The following ZNF266 variants were observed in gnomAD, a reference collection of about 807,000 sequenced individuals.
The protein encoded by ZNF266 is zinc finger protein 1.
A neutral mutation model predicts 16.4 loss-of-function variants in ZNF266; 16 were observed. The observed-to-expected ratio is 0.98, with a 90% CI of 0.66 to 1.48. ZNF266 has a LOEUF of 1.48. Ranked by LOEUF, ZNF266 falls within the 40% of genes most tolerant of loss-of-function variation. The pLI, the probability that ZNF266 is intolerant of heterozygous loss-of-function variation, is 0.00. For synonymous variants in ZNF266, 262 were observed against 237.9 expected, an observed-to-expected ratio of 1.10 and a Z score of -0.93; for missense variants, 738 against 689.1, an observed-to-expected ratio of 1.07 and a Z score of -0.79.
At chr19:9,418,116 G>C (rs2069336820) in intron 8 of ZNF266, among the ~76,000 whole-genome samples, 1 of 152,184 alleles carries the variant, frequency 6.6e-6, no homozygotes, top group Non-Finnish European at 1.5e-5. Context: ...CACTTACAAA[G>C]CACTAAGACT....
At chr19:9,419,464 C>T (rs2069520434) in intron 6 of ZNF266, 165 bp from the exon 7 acceptor site, 1 of 152,322 alleles carries the variant, frequency 6.6e-6, no homozygotes, top group Admixed American at 6.6e-5. Context: ...GCACTACTGC[C>T]TCACGTAAAG....
chr19:9,417,838 A>G lies in ZNF266; in HGVS notation c.306T>C (p.Gly102=). The part of the protein sequence containing the change: ...EQEESRTVQR[G]DFQASEWKVQ... ...TTTGTGAACACTCACCTTGGAAATC[A>G]CCTCTCTGCACTGTCCTAGACTCTT... Residue 102 remains glycine, a synonymous_variant, in exon 9 of 11, where the codon GGT becomes GGC. Transcript: ENST00000592904. 1 of 1,613,646 alleles carries G rather than the reference A, an allele frequency of 6.2e-7. No homozygotes were observed. The highest frequency in any genetic ancestry group is 8.5e-7 in the Non-Finnish European group (1 of 1,179,758).
At chr19:9,416,432 C>T (rs548481888) in intron 9 of ZNF266, among the ~76,000 whole-genome samples, 7 of 149,818 alleles carry the variant, frequency 4.7e-5, no homozygotes, top group African/African-American at 7.4e-5. Flanking sequence ...AGAACAATCT[C>T]GGCTCACTGC....
chr19:9,421,479 C>T (rs549009277), intron 5 of ZNF266, among the ~76,000 whole-genome samples: 26 of 152,280 alleles, frequency 1.7e-4, no homozygotes, highest in African/African-American at 4.6e-4. Flanking sequence ...CATACACTTG[C>T]ATAATCAAAA....
intron 5 of ZNF266, among the ~76,000 whole-genome samples, chr19:9,425,403 G>A (rs1006335900): frequency 6.6e-6 from 1 of 152,050 alleles, no homozygotes; most frequent in East Asian, 1.9e-4. Flanking sequence ...CATCTTGCCC[G>A]CCCAACACAC....
rs951749513 is a variant in ZNF266, at chr19:9,417,847, C to T, written c.297G>A (p.Val99=). The T allele has an allele frequency of 1.9e-6, 3 of 1,613,812 alleles. No homozygotes were observed. The highest frequency in any genetic ancestry group is 1.3e-5 in the African/African-American group (1 of 74,908). The change falls in exon 9 of 11, where the codon GTG becomes GTA. Residue 99 remains valine, a synonymous_variant. Coordinates refer to ENST00000592904, the MANE Select transcript of ZNF266 (RefSeq NM_001370374.1). ...ACTCACCTTGGAAATCACCTCTCTG[C>T]ACTGTCCTAGACTCTTCTTGTTCCA... ...SWLEQEESRT[V]QRGDFQASEW...
In ZNF266 at chr19:9,413,763, C is replaced by A. The variant is rs202197333; in HGVS notation, c.1363G>T (p.Ala455Ser). The change falls in exon 11 of 11, where the codon GCC becomes TCC. Residue 455 changes from alanine to serine, a missense_variant. Ala to Ser is a moderately conservative substitution (Grantham distance 99). Coordinates refer to ENST00000592904, the MANE Select transcript of ZNF266 (RefSeq NM_001370374.1). ...RPYECKECGK[A>S]FARSSRLSEH... ...CTAAGGCGAGAGGATCTGGCAAAGG[C>A]CTTTCCACATTCCTTACATTCATAG... is the stretch of plus-strand genomic sequence containing the variant. The A allele has an allele frequency of 9.3e-6, 15 of 1,614,008 alleles. No individual in the cohort carries two copies. Among genetic ancestry groups the A allele is most frequent in the Non-Finnish European group, 1.2e-5 (14 of 1,180,036 alleles).
chr19:9,426,336 G>GA (rs1213659007), intron 5 of ZNF266, among the ~76,000 whole-genome samples: 1 of 151,914 alleles, frequency 6.6e-6, no homozygotes, highest in Non-Finnish European at 1.5e-5. Context: ...TTACTTAGAA[G>GA]AAAAAAATAG....
chr19:9,418,883 T>C, intron 7 of ZNF266: 1 of 310,546 alleles, frequency 3.2e-6, no homozygotes, highest in Middle Eastern at 9.8e-4. Flanking sequence ...CTTGAGCAGA[T>C]GCTAGATAAA....
At chr19:9,418,059 G>T (rs923128360) in intron 8 of ZNF266, 151 bp from the exon 9 acceptor site, 3 of 798,992 alleles carry the variant, frequency 3.8e-6, no homozygotes, top group Admixed American at 2.3e-5. Context: ...GCCCCCAAAA[G>T]ATTGGTGATC....
Position 9,414,622 on chromosome 19 carries a change from A to G in ZNF266, c.504T>C (p.Asn168=), listed in dbSNP as rs1648009525. ...SCLKTHVRTQ[N]SENTFECYLY... The stretch of plus-strand genomic sequence containing the variant: ...GATAACACTCAAATGTGTTCTCACT[A>G]TTTTGAGTTCTCACATGTGTCTTAA... Residue 168 remains asparagine (N), a synonymous_variant, in exon 11 of 11, where the codon AAT becomes AAC. Coordinates refer to ENST00000592904, the MANE Select transcript of ZNF266 (RefSeq NM_001370374.1). 1.9e-6 allele frequency: 3 copies of G among 1,610,508 alleles called. No homozygotes were observed. Among genetic ancestry groups the G allele is most frequent in the African/African-American group, 1.3e-5 (1 of 74,990 alleles).
At chr19:9,428,064 A>C (rs2071028417) in intron 5 of ZNF266, among the ~76,000 whole-genome samples, 1 of 152,126 alleles carries the variant, frequency 6.6e-6, no homozygotes, top group Non-Finnish European at 1.5e-5. Flanking sequence ...GAGTCTCTAG[A>C]CCACTTACGA....
chr19:9,415,238 T>G (rs1457726719), intron 10 of ZNF266, among the ~76,000 whole-genome samples: 17 of 152,156 alleles, frequency 1.1e-4, no homozygotes, highest in Non-Finnish European at 4.4e-5. Flanking sequence ...GAGGTTGCAG[T>G]GAGCCAAGAT....
intron 5 of ZNF266, among the ~76,000 whole-genome samples, chr19:9,421,779 C>T (rs576073097): frequency 6.6e-6 from 1 of 152,170 alleles, no homozygotes; most frequent in Non-Finnish European, 1.5e-5. Flanking sequence ...CTCCTTTATA[C>T]ATCTTGTAAC....
At chr19:9,433,344 A>T (rs868810240) in intron 5 of ZNF266, among the ~76,000 whole-genome samples, 1 of 152,128 alleles carries the variant, frequency 6.6e-6, no homozygotes, top group Non-Finnish European at 1.5e-5. Context: ...CCAACCCCCT[A>T]GGTGTATGAG....
Position 9,413,493 on chromosome 19 carries a change from A to G in ZNF266, c.1633T>C (p.Cys545Arg). The change falls in exon 11 of 11, where the codon TGT becomes CGT. Residue 545 changes from cysteine (C) to arginine (R), a missense_variant. By Grantham distance (180) the Cys-to-Arg change is radical. Coordinates refer to ENST00000592904, the MANE Select transcript of ZNF266 (RefSeq NM_001370374.1). ...ECGKAFKFPT[C>R]VNLHMRIHTG... Reference sequence around the variant, plus strand: ...TGGATCCGCATGTGAAGGTTAACACACGTGGGAAACTTAAAAGCTTTGCCA... The same window carrying G: ...TGGATCCGCATGTGAAGGTTAACACGCGTGGGAAACTTAAAAGCTTTGCCA... 6.2e-7 allele frequency: 1 copy of G among 1,612,828 alleles called. No homozygotes were observed. The highest frequency in any genetic ancestry group is 8.5e-7 in the Non-Finnish European group (1 of 1,179,196).
intron 5 of ZNF266, 83 bp from the exon 6 acceptor site, chr19:9,420,301 G>A (rs2069661785): frequency 6.6e-6 from 1 of 152,178 alleles, no homozygotes; most frequent in Admixed American, 6.5e-5. Context: ...AGCATATAGA[G>A]GAAAAGACAC....
Position 9,415,738 on chromosome 19 carries a change from T to C in ZNF266, c.321A>G (p.Ser107=). The change falls in exon 10 of 11, where the codon TCA becomes TCG. Residue 107 remains serine, a synonymous_variant. Transcript: ENST00000592904. The stretch of plus-strand genomic sequence containing the variant: ...TGGTTTTAAGTTGCACTTTCCATTC[T>C]GAAGCTGAAGAGAAAAAGAAATGTA... ...RTVQRGDFQA[S]EWKVQLKTKE... The C allele has an allele frequency of 6.2e-7, 1 of 1,612,222 alleles. No individual in the cohort carries two copies.
At chr19:9,434,312 T>G (rs2072110143) in intron 3 of ZNF266, 77 bp from the exon 4 acceptor site, 1 of 152,226 alleles carries the variant, frequency 6.6e-6, no homozygotes, top group Admixed American at 6.5e-5. Flanking sequence ...GTAATACACT[T>G]ATTTGCTTGG....
Sources: allele counts gnomAD v4.1 joint callset (sites outside exome capture counted in the v4.1 genomes callset), GRCh38; gene constraint gnomAD v4.1.1; transcripts MANE v1.5; gene names NCBI Gene and HGNC (gene_info 2026-07-23, HGNC 2026-07-21).